TYW1B: variants seen among roughly 807,000 people sequenced by gnomAD.
The protein encoded by TYW1B is tRNA-yW synthesizing protein 1 homolog B, also known as S-adenosyl-L-methionine-dependent tRNA 4-demethylwyosine synthase TYW1B.
Under a neutral mutation model 86.9 loss-of-function variants are expected in TYW1B, and 73 were observed. The observed-to-expected ratio is 0.84, with a 90% CI of 0.70 to 1.02. The LOEUF (loss-of-function observed/expected upper bound fraction) is 1.02, where lower values mean the gene tolerates loss of function less well. Ranked by LOEUF, TYW1B falls within the 50% of genes least tolerant of loss-of-function variation. The pLI is 0.00. For synonymous variants in TYW1B, 248 were observed against 292.8 expected (o/e 0.85, Z 1.56); for missense variants, 637 against 827.4 (o/e 0.77, Z 2.82).
intron 7 of TYW1B, 118 bp from the exon 8 acceptor site, chr7:72,744,719 T>C (rs1554463308): frequency 8.4e-7 from 1 of 1,197,278 alleles, no homozygotes; most frequent in Admixed American, 1.9e-5. Flanking sequence ...CTCCTACTAG[T>C]ATCTGCATGA....
At chr7:72,628,464 T>C (rs1400719728) in intron 12 of TYW1B, among the ~76,000 whole-genome samples, 1 of 151,998 alleles carries the variant, frequency 6.6e-6, no homozygotes, top group Non-Finnish European at 1.5e-5. Context: ...GGGTCATGAG[T>C]TGATCATTTT....
intron 8 of TYW1B, among the ~76,000 whole-genome samples, chr7:72,737,285 A>C (rs573777509): frequency 6.6e-6 from 1 of 152,336 alleles, no homozygotes; most frequent in South Asian, 2.1e-4. Flanking sequence ...CTAATTTTAA[A>C]AGCTCACATA....
intron 7 of TYW1B, among the ~76,000 whole-genome samples, chr7:72,746,719 C>T (rs1406528268): frequency 2.0e-5 from 3 of 152,112 alleles, no homozygotes; most frequent in Non-Finnish European, 2.9e-5. Flanking sequence ...GAGGACAGAT[C>T]ATGTAAGAAC....
intron 7 of TYW1B, among the ~76,000 whole-genome samples, chr7:72,776,761 TGAA>T (rs2129572026): frequency 6.6e-6 from 1 of 151,600 alleles, no homozygotes; most frequent in South Asian, 2.1e-4. Flanking sequence ...AAATCTATAA[TGAA>T]ATCACATTAA....
At chr7:72,727,264 A>C (rs1554458898) in intron 9 of TYW1B, among the ~76,000 whole-genome samples, 3 of 152,192 alleles carry the variant, frequency 2.0e-5, no homozygotes, top group Non-Finnish European at 4.4e-5. Context: ...CATATGTGCT[A>C]TTAATACCTT....
chr7:72,787,715 GAGCCAAGATC>G (rs1280616458), intron 6 of TYW1B, among the ~76,000 whole-genome samples: 2 of 151,972 alleles, frequency 1.3e-5, no homozygotes, highest in East Asian at 3.9e-4. Context: ...AGGCTGCAGT[GAGCCAAGATC>G]GTGCCACTGC....
chr7:72,727,592 G>T (rs555558168), intron 9 of TYW1B, among the ~76,000 whole-genome samples: 1 of 152,002 alleles, frequency 6.6e-6, no homozygotes, highest in African/African-American at 2.4e-5. Context: ...CAAAGCAGGC[G>T]GATGGCTTGA....
At chr7:72,732,127 G>A (rs1554460068) in intron 8 of TYW1B, among the ~76,000 whole-genome samples, 1 of 152,102 alleles carries the variant, frequency 6.6e-6, no homozygotes, top group African/African-American at 2.4e-5. Context: ...GGAGCACTGA[G>A]ATATAAAGCA....
At chr7:72,758,666 G>T (rs571110732) in intron 7 of TYW1B, among the ~76,000 whole-genome samples, 1 of 152,240 alleles carries the variant, frequency 6.6e-6, no homozygotes, top group South Asian at 2.1e-4. Context: ...CCTTTTAGTA[G>T]AGGCTTTTTT....
chr7:72,674,988 G>T (rs1271728222), intron 11 of TYW1B, among the ~76,000 whole-genome samples: 26 of 152,000 alleles, frequency 1.7e-4, no homozygotes, highest in South Asian at 2.1e-4. Flanking sequence ...AAATAAGTGG[G>T]AATTCCAAGG....
chr7:72,632,346 T>TTATATATATTATATATACG (rs1812527902), intron 11 of TYW1B, among the ~76,000 whole-genome samples: 2 of 103,580 alleles, frequency 1.9e-5, no homozygotes, highest in East Asian at 4.8e-4. Context: ...CGTATATATA[T>TTATATATATTATATATACG]TATATATATT....
intron 7 of TYW1B, among the ~76,000 whole-genome samples, chr7:72,752,928 T>A (rs187889118): frequency 6.6e-6 from 1 of 152,194 alleles, no homozygotes; most frequent in East Asian, 1.9e-4. Context: ...AGAAAATAAC[T>A]GTAATGGATG....
chr7:72,816,558 G>A (rs782752984), intron 2 of TYW1B, among the ~76,000 whole-genome samples: 11 of 152,126 alleles, frequency 7.2e-5, no homozygotes, highest in Middle Eastern at 3.2e-3. Flanking sequence ...TCTTTTGTAC[G>A]CTAATGAGAT....
intron 13 of TYW1B, among the ~76,000 whole-genome samples, chr7:72,583,477 T>C (rs372272515): frequency 2.0e-5 from 3 of 152,268 alleles, no homozygotes; most frequent in Admixed American, 6.5e-5. Context: ...AAAGTGGTTG[T>C]TGTTTGAGAG....
chr7:72,601,815 T>A lies in TYW1B; in HGVS notation c.1785+14857A>T, dbSNP rs1324005909. 3.4e-5 allele frequency among the ~76,000 whole-genome samples: 5 copies of A among 148,154 alleles called. No individual in the cohort carries two copies. In the East Asian group the frequency reaches 9.8e-4, roughly 29 times the overall value. On this transcript the variant is annotated intron_variant, in intron 13 of 13. Transcript: ENST00000620995. ...CAGTTTGATAAAACTACATAGTATA[T>A]ACTTCCCATTATATGACCTTTGGAA...
At chr7:72,624,122 A>G (rs545369622) in intron 12 of TYW1B, among the ~76,000 whole-genome samples, 37 of 152,214 alleles carry the variant, frequency 2.4e-4, no homozygotes, top group Non-Finnish European at 4.4e-4. Context: ...AAACTCCTCT[A>G]TTTGAGAAAT....
chr7:72,679,846 T>C (rs782669141), intron 11 of TYW1B, among the ~76,000 whole-genome samples: 2 of 152,306 alleles, frequency 1.3e-5, no homozygotes, highest in Non-Finnish European at 1.5e-5. Context: ...TATGGAATGA[T>C]AGGCCAGGAG....
At chr7:72,616,903 C>T in intron 12 of TYW1B, 64 bp from the exon 13 acceptor site, 1 of 1,592,450 alleles carries the variant, frequency 6.3e-7, no homozygotes, top group South Asian at 1.1e-5. Flanking sequence ...AGAAGACTTT[C>T]AGAGCCGGAA....
chr7:72,658,041 G>A lies in TYW1B; in HGVS notation c.1507-29044C>T, dbSNP rs557041857. On this transcript the variant is annotated intron_variant, in intron 11 of 13. Transcript: ENST00000620995. ...GAGGCCAAGGCAGGTGGATCATGAG[G>A]TCAGGAGATCAAGACCATCCTGGCT... 1.1e-4 allele frequency among the ~76,000 whole-genome samples: 17 copies of A among 152,270 alleles called. No individual in the cohort carries two copies. In the South Asian group the frequency reaches 3.5e-3, roughly 32 times the overall value.
Sources: allele counts gnomAD v4.1 joint callset (sites outside exome capture counted in the v4.1 genomes callset), GRCh38; gene constraint gnomAD v4.1.1; transcripts MANE v1.5; gene names NCBI Gene and HGNC (gene_info 2026-07-23, HGNC 2026-07-21).